PCDHA5: variants seen among roughly 807,000 people sequenced by gnomAD.
PCDHA5 encodes protocadherin alpha 5.
A neutral mutation model predicts 61.6 loss-of-function variants in PCDHA5; 43 were observed. That is an observed-to-expected ratio of 0.70 (90% confidence interval 0.55 to 0.90). The LOEUF (loss-of-function observed/expected upper bound fraction) is 0.90, where lower values mean the gene tolerates loss of function less well. Ranked by LOEUF, PCDHA5 falls within the 40% of genes least tolerant of loss-of-function variation. The pLI, the probability that PCDHA5 is intolerant of heterozygous loss-of-function variation, is 0.00. For synonymous variants in PCDHA5, 627 were observed against 543.9 expected (o/e 1.15, Z -2.13); for missense variants, 1,298 against 1,222.7 (o/e 1.06, Z -0.92).
intron 1 of PCDHA5, among the ~76,000 whole-genome samples, chr5:140,944,016 A>G (rs2093596830): frequency 6.6e-6 from 1 of 152,182 alleles, no homozygotes; most frequent in Non-Finnish European, 1.5e-5. Flanking sequence ...CCCAAAAGCA[A>G]TTATCTTCAA....
intron 1 of PCDHA5, chr5:140,875,646 G>T (rs781973102): frequency 6.2e-7 from 1 of 1,613,722 alleles, no homozygotes; most frequent in Non-Finnish European, 8.5e-7. Context: ...AGCTGGCGGA[G>T]CTGGTGCCGC....
Position 141,009,816 on chromosome 5 carries a change from G to A in PCDHA5, c.2690G>A (p.Ser897Asn). ...QEPTNSQIDK[S>N]DFITFGKKEE... Reference sequence around the variant, plus strand: ...CCTACTAACAGCCAAATTGACAAAAGTGACTTCATAACCTTCGGCAAAAAG... The same window carrying A: ...CCTACTAACAGCCAAATTGACAAAAATGACTTCATAACCTTCGGCAAAAAG... Residue 897 changes from serine to asparagine, a missense_variant, in exon 4 of 4, where the codon AGT (serine) becomes AAT (asparagine). Ser to Asn is a conservative substitution (Grantham distance 46). Transcript: ENST00000529859. 1 of 1,614,044 alleles carries A rather than the reference G, an allele frequency of 6.2e-7. No homozygotes were observed. Among genetic ancestry groups the A allele is most frequent in the African/African-American group, 1.3e-5 (1 of 74,990 alleles).
chr5:140,926,880 G>A lies in PCDHA5; in HGVS notation c.2353-52069G>A. 4 of 1,534,946 alleles carry A rather than the reference G, an allele frequency of 2.6e-6. No homozygotes were observed. The South Asian group carries it at 3.8e-5, about 15-fold the overall frequency. On this transcript the variant is annotated intron_variant, in intron 1 of 3. Transcript: ENST00000529859. ...TGTAGCGTGTTGGTGGAACGTGGAC[G>A]CCTAGAGGGAGGATGGTGGGCTGTG...
intron 1 of PCDHA5, chr5:140,836,303 G>C: frequency 6.2e-7 from 1 of 1,613,706 alleles, no homozygotes; most frequent in East Asian, 2.2e-5. Flanking sequence ...TAGATGAGAC[G>C]GACGCACCGC....
chr5:141,007,158 A>C (rs1231758700), intron 3 of PCDHA5, among the ~76,000 whole-genome samples: 1 of 152,198 alleles, frequency 6.6e-6, no homozygotes, highest in African/African-American at 2.4e-5. Context: ...CTGTCAAAGA[A>C]CAGTCAGAGA....
intron 1 of PCDHA5, chr5:140,849,381 GA>G: frequency 6.6e-7 from 1 of 1,514,878 alleles, no homozygotes; most frequent in African/African-American, 1.5e-5. Flanking sequence ...GTTCCACATG[GA>G]CCCCTTAAGT....
intron 1 of PCDHA5, among the ~76,000 whole-genome samples, chr5:140,932,398 T>C (rs1163806647): frequency 6.6e-6 from 1 of 151,960 alleles, no homozygotes; most frequent in Non-Finnish European, 1.5e-5. Flanking sequence ...AGTTTCAACA[T>C]ACCAATGTTA....
At chr5:140,908,342 A>G (rs542660039) in intron 1 of PCDHA5, among the ~76,000 whole-genome samples, 48 of 152,196 alleles carry the variant, frequency 3.2e-4, no homozygotes, top group Non-Finnish European at 5.3e-4. Flanking sequence ...TTGAGCCACT[A>G]CCTCATGTAA....
chr5:140,824,621 T>TTG (rs1210454959), intron 1 of PCDHA5: 1 of 130,846 alleles, frequency 7.6e-6, no homozygotes, highest in Non-Finnish European at 1.6e-5. Context: ...TTTTTTTTTT[T>TTG]TTTTTTTTTT....
At chr5:140,870,154 G>A (rs1243170344) in intron 1 of PCDHA5, 2 of 1,614,130 alleles carry the variant, frequency 1.2e-6, no homozygotes, top group Non-Finnish European at 8.5e-7. Context: ...TGAAGTCGCC[G>A]TGACTTCCTT....
At chr5:140,974,905 A>G (rs1276795577) in intron 1 of PCDHA5, among the ~76,000 whole-genome samples, 2 of 152,208 alleles carry the variant, frequency 1.3e-5, no homozygotes, top group African/African-American at 4.8e-5. Context: ...TTTGTAACAA[A>G]TTACCACAAG....
chr5:140,846,853 G>A (rs1277401160), intron 1 of PCDHA5, among the ~76,000 whole-genome samples: 1 of 149,686 alleles, frequency 6.7e-6, no homozygotes, highest in East Asian at 1.9e-4. Flanking sequence ...TGCAAGGCAA[G>A]ATAATGTAAC....
chr5:140,876,138 A>G (rs781923596), intron 1 of PCDHA5: 1 of 1,613,952 alleles, frequency 6.2e-7, no homozygotes. Context: ...AACCAGAACT[A>G]ACAGGGTCTG....
chr5:141,004,336 G>A (rs1554259546), intron 3 of PCDHA5, among the ~76,000 whole-genome samples: 1 of 152,224 alleles, frequency 6.6e-6, no homozygotes, highest in East Asian at 1.9e-4. Flanking sequence ...AGGCACAGTG[G>A]TCTGTGAGGG....
rs1554262759 is a variant in PCDHA5 at position 141,010,215 on chromosome 5, G to A, written c.*278G>A. ...CCTTTCTCCTCCGCCGCAAAGGAGA[G>A]GCTTCCCAGCCCCGCCAGTGAGAGG... On this transcript the variant is annotated 3_prime_UTR_variant, in exon 4 of 4. Transcript: ENST00000529859. The A allele has an allele frequency of 6.4e-7, 1 of 1,551,774 alleles. No homozygotes were observed. Among genetic ancestry groups the A allele is most frequent in the East Asian group, 2.4e-5 (1 of 40,918 alleles).
At chr5:140,967,552 T>C (rs782453868) in intron 1 of PCDHA5, 2 of 1,613,908 alleles carry the variant, frequency 1.2e-6, no homozygotes, top group Non-Finnish European at 1.7e-6. Context: ...AGTCCACTTA[T>C]CGCGTCCAGC....
At position 140,823,665 on chromosome 5, in the gene PCDHA5, C is replaced by T. The variant is rs2150128070; in HGVS notation, c.1890C>T (p.Ile630=). The change falls in exon 1 of 4, where the codon ATC becomes ATT. Residue 630 remains isoleucine (I), a synonymous_variant. Transcript: ENST00000529859. The part of the protein sequence containing the change: ...PFRVGLYTGE[I]STTRSLDETE... ...GCGTGGGGCTGTACACAGGCGAGAT[C>T]AGCACAACACGCTCTCTGGATGAGA... is the stretch of plus-strand genomic sequence containing the variant. 2 of 1,614,048 alleles carry T rather than the reference C, an allele frequency of 1.2e-6. No individual in the cohort carries two copies. Among genetic ancestry groups the T allele is most frequent in the South Asian group, 1.1e-5 (1 of 91,088 alleles).
chr5:140,984,365 C>G (rs2097099251), intron 3 of PCDHA5, among the ~76,000 whole-genome samples: 1 of 152,128 alleles, frequency 6.6e-6, no homozygotes. Flanking sequence ...TACATCTGGC[C>G]AAGTCCCTCT....
rs528939441 is a variant in PCDHA5 at position 140,858,900 on chromosome 5, G to C, written c.2352+34773G>C. ...CCTCCATGTGTAGAATATGTGTAGCGTACCACAGCTTATACTGCCATAGTA... is the reference window on the plus strand; with the variant it reads ...CCTCCATGTGTAGAATATGTGTAGCCTACCACAGCTTATACTGCCATAGTA... On this transcript the variant is annotated intron_variant, in intron 1 of 3. Transcript: ENST00000529859. 2 of 203,044 alleles carry C rather than the reference G, an allele frequency of 9.9e-6. 1 individual carries two copies. Among genetic ancestry groups the C allele is most frequent in the African/African-American group, 4.8e-5 (2 of 41,680 alleles). 12.6% of individuals were successfully genotyped at this position (203,044 alleles called of 1,614,324 possible). A position where few individuals can be genotyped will look rare whatever the true frequency, so the allele number is the denominator to read the frequency against.
Sources: allele counts gnomAD v4.1 joint callset (sites outside exome capture counted in the v4.1 genomes callset), GRCh38; gene constraint gnomAD v4.1.1; transcripts MANE v1.5; gene names NCBI Gene and HGNC (gene_info 2026-07-23, HGNC 2026-07-21).